Variants in LINGO2 observed in about 807,000 individuals in gnomAD.
LINGO2 encodes the protein leucine-rich repeat and immunoglobulin-like domain-containing nogo receptor-interacting protein 2.
Under a neutral mutation model 30.6 loss-of-function variants are expected in LINGO2, and 14 were observed. That is an observed-to-expected ratio of 0.46 (90% CI 0.30 to 0.72). The LOEUF is 0.72. Among genes scored for constraint, LINGO2 ranks in the 30% least tolerant of loss-of-function variants. LINGO2 has a pLI of 0.07. For missense variants in LINGO2, 729 were observed against 751.7 expected, an observed-to-expected ratio of 0.97 and a Z score of 0.35; for synonymous variants, 317 against 288.5, an observed-to-expected ratio of 1.10 and a Z score of -1.00.
At chr9:28,334,928 G>A (rs893485566) in intron 3 of LINGO2, among the ~76,000 whole-genome samples, 2 of 152,114 alleles carry the variant, frequency 1.3e-5, no homozygotes, top group Admixed American at 6.6e-5. Context: ...CTTGTTAGGG[G>A]AAACCCAGGA....
intron 1 of LINGO2, among the ~76,000 whole-genome samples, chr9:28,625,935 C>G (rs990108447): frequency 1.3e-5 from 2 of 151,882 alleles, no homozygotes; most frequent in African/African-American, 4.8e-5. Context: ...TTTGAGTTTT[C>G]TTGGGTAAAT....
chr9:28,343,145 G>T (rs1365151480), intron 3 of LINGO2, among the ~76,000 whole-genome samples: 1 of 152,198 alleles, frequency 6.6e-6, no homozygotes. Context: ...AGGTCAAACA[G>T]ATAAGTGTTG....
At chr9:29,105,389 G>C in the LINGO2 span, among the ~76,000 whole-genome samples, 2 of 152,110 alleles carry the variant, frequency 1.3e-5, no homozygotes, top group South Asian at 4.1e-4. Context: ...TGTCATAAAG[G>C]AAGATGAATT....
the LINGO2 span, among the ~76,000 whole-genome samples, chr9:29,161,167 A>G: frequency 6.6e-6 from 1 of 152,238 alleles, no homozygotes; most frequent in South Asian, 2.1e-4. Flanking sequence ...TGGGGACCAC[A>G]GGAGGCACAA....
chr9:29,033,546 A>G, the LINGO2 span, among the ~76,000 whole-genome samples: 1 of 151,870 alleles, frequency 6.6e-6, no homozygotes, highest in Admixed American at 6.6e-5. Flanking sequence ...AGATTGAGTG[A>G]AAATATATGG....
At chr9:28,953,671 A>C in the LINGO2 span, among the ~76,000 whole-genome samples, 1 of 152,096 alleles carries the variant, frequency 6.6e-6, no homozygotes, top group Non-Finnish European at 1.5e-5. Flanking sequence ...CCTATGAAGA[A>C]TATCTAGTCT....
the LINGO2 span, among the ~76,000 whole-genome samples, chr9:28,719,810 C>A: frequency 1.3e-5 from 2 of 151,980 alleles, no homozygotes; most frequent in African/African-American, 4.8e-5. Flanking sequence ...GCATTTTAAA[C>A]TCAACTTGTT....
chr9:28,473,678 T>G (rs574085767), intron 2 of LINGO2, among the ~76,000 whole-genome samples: 1 of 152,106 alleles, frequency 6.6e-6, no homozygotes, highest in Non-Finnish European at 1.5e-5. Context: ...GATACAAATC[T>G]TGGATCTTTG....
At chr9:27,967,788 C>G (rs1023062734) in intron 5 of LINGO2, among the ~76,000 whole-genome samples, 1 of 152,046 alleles carries the variant, frequency 6.6e-6, no homozygotes, top group Non-Finnish European at 1.5e-5. Flanking sequence ...TAATGTAATC[C>G]TTTTCCAGAT....
intron 4 of LINGO2, among the ~76,000 whole-genome samples, chr9:28,142,128 T>C (rs887299380): frequency 2.6e-5 from 4 of 151,306 alleles, no homozygotes; most frequent in African/African-American, 9.7e-5. Flanking sequence ...AGCTGTTTTC[T>C]TTGGAACTGA....
chr9:28,020,947 C>T lies in LINGO2; in HGVS notation c.-86-8542G>A, dbSNP rs555178910. 2.6e-5 allele frequency among the ~76,000 whole-genome samples: 4 copies of T among 152,204 alleles called. No homozygotes were observed. The South Asian group carries it at 8.3e-4, about 32-fold the overall frequency. On this transcript the variant is annotated intron_variant, in intron 4 of 5. Transcript: ENST00000379992. ...TTATTATTATTTTTGGCTAGCCTGG[C>T]TAAAGATTTATCAGTTGTATTGATC...
chr9:29,101,936 A>G, the LINGO2 span, among the ~76,000 whole-genome samples: 1 of 151,980 alleles, frequency 6.6e-6, no homozygotes, highest in South Asian at 2.1e-4. Flanking sequence ...TCCTGGATAT[A>G]TTAAAAGCTG....
chr9:29,138,152 A>G, the LINGO2 span, among the ~76,000 whole-genome samples: 1 of 152,072 alleles, frequency 6.6e-6, no homozygotes, highest in Non-Finnish European at 1.5e-5. Flanking sequence ...ACAGTACTAT[A>G]TGAAAATAAA....
At chr9:28,566,252 G>A (rs1267705109) in intron 1 of LINGO2, among the ~76,000 whole-genome samples, 1 of 152,146 alleles carries the variant, frequency 6.6e-6, no homozygotes, top group African/African-American at 2.4e-5. Flanking sequence ...GCTCGTGGCT[G>A]AAGCCACTTT....
intron 3 of LINGO2, among the ~76,000 whole-genome samples, chr9:28,300,165 G>C (rs541783267): frequency 6.6e-6 from 1 of 150,462 alleles, no homozygotes; most frequent in African/African-American, 2.4e-5. Context: ...AGAGAAGACT[G>C]TGTTGATAGA....
At chr9:28,145,787 CT>C (rs144377904) in intron 4 of LINGO2, among the ~76,000 whole-genome samples, 1,618 of 152,226 alleles carry the variant, frequency 0.011, 26 homozygotes, top group African/African-American at 0.037. Context: ...ATTAAAAGGT[CT>C]TCTTTTTTTC....
chr9:28,917,230 A>G, the LINGO2 span, among the ~76,000 whole-genome samples: 1 of 152,166 alleles, frequency 6.6e-6, no homozygotes, highest in Non-Finnish European at 1.5e-5. Flanking sequence ...TAAGTAGTAA[A>G]CATTATTATT....
the LINGO2 span, among the ~76,000 whole-genome samples, chr9:29,147,020 C>T: frequency 4.6e-5 from 7 of 152,062 alleles, no homozygotes; most frequent in African/African-American, 7.2e-5. Flanking sequence ...ACGTTAAACA[C>T]GCATCTGAAC....
chr9:28,505,538 A>G (rs1441626919), intron 1 of LINGO2, among the ~76,000 whole-genome samples: 1 of 151,976 alleles, frequency 6.6e-6, no homozygotes, highest in East Asian at 1.9e-4. Flanking sequence ...CTTTTGCTAT[A>G]AGACAATTCA....
Sources: allele counts gnomAD v4.1 joint callset (sites outside exome capture counted in the v4.1 genomes callset), GRCh38; gene constraint gnomAD v4.1.1; transcripts MANE v1.5; gene names NCBI Gene and HGNC (gene_info 2026-07-23, HGNC 2026-07-21).